The following TP53BP1 variants were observed in gnomAD, a reference collection of about 807,000 sequenced individuals.
The protein encoded by TP53BP1 is tumor protein p53 binding protein 1, also known as TP53-binding protein 1.
TP53BP1 carries 61 observed loss-of-function variants against 200.8 expected under a neutral mutation model. The ratio of observed to expected loss-of-function variants is 0.30; its 90% CI spans 0.25 to 0.38. The LOEUF (loss-of-function observed/expected upper bound fraction) is 0.38. TP53BP1 is among the 10% of genes least tolerant of loss of function. The pLI is 1.00. For missense variants in TP53BP1, 2,144 were observed against 2,371.9 expected, an observed-to-expected ratio of 0.90 and a Z score of 2.00; for synonymous variants, 822 against 844.3, an observed-to-expected ratio of 0.97 and a Z score of 0.46.
chr15:43,452,622 G>C (rs2046197438), intron 12 of TP53BP1, among the ~76,000 whole-genome samples: 1 of 132,100 alleles, frequency 7.6e-6, no homozygotes, highest in South Asian at 2.2e-4. Context: ...CTAATTTGTA[G>C]TTAAAATTAT....
At chr15:43,494,797 C>G (rs1289081041), upstream of TP53BP1, among the ~76,000 whole-genome samples, 2 of 152,184 alleles carry the variant, frequency 1.3e-5, no homozygotes, top group Non-Finnish European at 2.9e-5. Context: ...CCAAAAGTTA[C>G]CATTTTTTTG....
Position 43,403,761 on chromosome 15 carries a change from G to C in TP53BP1, c.*3622C>G. On this transcript the variant is annotated 3_prime_UTR_variant, in exon 28 of 28. Coordinates refer to ENST00000382044, the MANE Select transcript of TP53BP1 (RefSeq NM_001141980.3). ...GGTCAGTCAGAACCTAGGCCCACTG[G>C]ATGAGCGTGGAGCCGCCCAGCTGAG... is the stretch of plus-strand genomic sequence containing the variant. 6.2e-7 allele frequency: 1 copy of C among 1,613,946 alleles called. No homozygotes were observed. The highest frequency in any genetic ancestry group is 1.1e-5 in the South Asian group (1 of 91,052).
intron 4 of TP53BP1, among the ~76,000 whole-genome samples, chr15:43,485,348 C>A (rs1342281035): frequency 6.6e-6 from 1 of 151,440 alleles, no homozygotes; most frequent in South Asian, 2.1e-4. Flanking sequence ...GAGGCTGAGG[C>A]GGGCGGATCA....
Position 43,421,925 on chromosome 15 carries a change from C to T in TP53BP1, c.4030G>A (p.Gly1344Arg). The T allele has an allele frequency of 6.2e-7, 1 of 1,614,208 alleles. No homozygotes were observed. The change falls in exon 19 of 28, where the codon GGG (glycine) becomes AGG (arginine). Residue 1344 changes from glycine (G) to arginine (R), a missense_variant. Coordinates refer to ENST00000382044, the MANE Select transcript of TP53BP1 (RefSeq NM_001141980.3). ...SSGKGAGPLR[G>R]KTSGTEPADF... ...GCGGGTTCTGTCCCGCTGGTTTTCC[C>T]TCTGAGTGGTCCGGCTCCTTTCCCT...
In TP53BP1 at chr15:43,406,574, A is replaced by C. The variant is rs1566908623; in HGVS notation, c.*809T>G. On this transcript the variant is annotated 3_prime_UTR_variant, in exon 28 of 28. Coordinates refer to ENST00000382044, the MANE Select transcript of TP53BP1 (RefSeq NM_001141980.3). The stretch of plus-strand genomic sequence containing the variant: ...TGGATCAAATGGCCCACAAAGCCTG[A>C]AATATTTACTCTTTGACCCTTTACA... The C allele has an allele frequency of 2.2e-6, 1 of 455,972 alleles. No individual in the cohort carries two copies. 28.2% of individuals were successfully genotyped at this position (455,972 alleles called of 1,614,324 possible).
intron 9 of TP53BP1, 62 bp from the exon 10 acceptor site, chr15:43,474,829 T>C (rs937238257): frequency 8.2e-7 from 1 of 1,217,642 alleles, no homozygotes; most frequent in Non-Finnish European, 1.2e-6. Flanking sequence ...ATTTCTGTAT[T>C]TGCTTTTACT....
chr15:43,500,532 A>G (rs1341838358), intron 1 of TP53BP1, among the ~76,000 whole-genome samples: 1 of 152,190 alleles, frequency 6.6e-6, no homozygotes, highest in African/African-American at 2.4e-5. Flanking sequence ...TATAGAGAAT[A>G]TTTTAGGCCA....
At chr15:43,428,346 C>G (rs1412412941) in intron 17 of TP53BP1, among the ~76,000 whole-genome samples, 178 bp from the exon 18 acceptor site, 1 of 152,030 alleles carries the variant, frequency 6.6e-6, no homozygotes, top group East Asian at 1.9e-4. Context: ...AGTTATATAG[C>G]CAGAGGCTAA....
At chr15:43,463,772 C>G (rs1305251742) in intron 11 of TP53BP1, among the ~76,000 whole-genome samples, 1 of 152,186 alleles carries the variant, frequency 6.6e-6, no homozygotes, top group East Asian at 1.9e-4. Context: ...CCTGCCCCTC[C>G]TCTGCCCTGG....
In TP53BP1 at chr15:43,492,267, A is replaced by G. The variant is rs1210882311; in HGVS notation, c.192+17T>C. The G allele has an allele frequency of 2.3e-5, 37 of 1,600,182 alleles. No individual in the cohort carries two copies. Among genetic ancestry groups the G allele is most frequent in the Non-Finnish European group, 3.1e-5 (37 of 1,174,840 alleles). On this transcript the variant is annotated intron_variant, in intron 2 of 27. Transcript: ENST00000382044. ...AAAAAAATCTGCTCAATCTTCTTCA[A>G]ACAAGGTATCACTCACCAACACAGG...
intron 11 of TP53BP1, among the ~76,000 whole-genome samples, chr15:43,465,345 C>T (rs1002073324): frequency 8.6e-5 from 13 of 152,006 alleles, no homozygotes; most frequent in Admixed American, 3.3e-4. Context: ...ATACTAAAAA[C>T]CACTGGATTG....
chr15:43,421,603 C>T (rs888566033), intron 19 of TP53BP1: 12 of 571,584 alleles, frequency 2.1e-5, no homozygotes, highest in South Asian at 6.6e-5. Flanking sequence ...GATAAATTCC[C>T]GAAAGTCCCC....
chr15:43,479,343 T>C, intron 7 of TP53BP1, 54 bp downstream of exon 7: 1 of 1,497,680 alleles, frequency 6.7e-7, no homozygotes, highest in Non-Finnish European at 8.9e-7. Context: ...TAAAATGACA[T>C]TAGTATAACC....
intron 11 of TP53BP1, among the ~76,000 whole-genome samples, chr15:43,457,942 C>T (rs554072917): frequency 1.3e-5 from 2 of 151,740 alleles, no homozygotes; most frequent in African/African-American, 4.8e-5. Flanking sequence ...TGGCTTGAAC[C>T]GCGGAGGCAG....
chr15:43,421,214 C>T, intron 19 of TP53BP1, 40 bp from the exon 20 acceptor site: 7 of 1,605,456 alleles, frequency 4.4e-6, no homozygotes, highest in Non-Finnish European at 6.0e-6. Flanking sequence ...GCACCTGCTA[C>T]TGAATCTTTT....
Position 43,404,634 on chromosome 15 carries a change from A to G in TP53BP1, c.*2749T>C. 6.8e-7 allele frequency: 1 copy of G among 1,467,856 alleles called. No homozygotes were observed. Among genetic ancestry groups the G allele is most frequent in the Non-Finnish European group, 9.3e-7 (1 of 1,071,968 alleles). The allele number at this position is 1,467,856 out of a possible 1,614,324, so 90.9% of individuals were successfully genotyped here. ...TGTAGAATTCTAGAACTGGAAGAAG[A>G]CTTTAGTCCAAATACCCTCATTTTA... On this transcript the variant is annotated 3_prime_UTR_variant, in exon 28 of 28. Coordinates refer to ENST00000382044, the MANE Select transcript of TP53BP1 (RefSeq NM_001141980.3).
intron 1 of TP53BP1, among the ~76,000 whole-genome samples, chr15:43,506,317 T>C (rs2079236631): frequency 6.6e-6 from 1 of 152,244 alleles, no homozygotes; most frequent in African/African-American, 2.4e-5. Flanking sequence ...CTTCCCACTT[T>C]GTTAAGAGTG....
chr15:43,499,304 T>G (rs1823822929), intron 1 of TP53BP1, among the ~76,000 whole-genome samples: 1 of 152,096 alleles, frequency 6.6e-6, no homozygotes, highest in Non-Finnish European at 1.5e-5. Context: ...TCAAAAACTA[T>G]CAGTTACTAT....
At chr15:43,415,880 C>A in intron 22 of TP53BP1, 71 bp from the exon 23 acceptor site, 1 of 1,309,548 alleles carries the variant, frequency 7.6e-7, no homozygotes, top group Non-Finnish European at 1.1e-6. Context: ...AGAAACTGGG[C>A]AGACCCTGAT....
Sources: allele counts gnomAD v4.1 joint callset (sites outside exome capture counted in the v4.1 genomes callset), GRCh38; gene constraint gnomAD v4.1.1; transcripts MANE v1.5; gene names NCBI Gene and HGNC (gene_info 2026-07-23, HGNC 2026-07-21).